Variants in SLC7A13 observed in about 807,000 individuals in gnomAD.
The protein encoded by SLC7A13 is X-amino acid transporter 2.
SLC7A13 carries 31 observed loss-of-function variants against 32.0 expected under a neutral mutation model. That is an observed-to-expected ratio of 0.97 (90% confidence interval 0.73 to 1.31). The LOEUF (loss-of-function observed/expected upper bound fraction) is 1.31, where lower values mean the gene tolerates loss of function less well. SLC7A13 is among the 50% of genes most tolerant of loss of function. SLC7A13 has a pLI of 0.00. For synonymous variants in SLC7A13, 232 were observed against 206.9 expected (o/e 1.12, Z -1.04); for missense variants, 633 against 546.9 (o/e 1.16, Z -1.57).
At chr8:86,216,123 G>A (rs1820176887) in intron 3 of SLC7A13, among the ~76,000 whole-genome samples, 1 of 152,124 alleles carries the variant, frequency 6.6e-6, no homozygotes. Flanking sequence ...ACTGTTATTT[G>A]TATATAACAA....
At chr8:86,218,941 A>G (rs940274006) in intron 2 of SLC7A13, among the ~76,000 whole-genome samples, 1 of 152,152 alleles carries the variant, frequency 6.6e-6, no homozygotes, top group Non-Finnish European at 1.5e-5. Context: ...TACTTTTGGG[A>G]CATCAACATA....
In SLC7A13 at chr8:86,217,681, A is replaced by T. The variant is rs1296654086; in HGVS notation, c.968T>A (p.Leu323Gln). The T allele has an allele frequency of 1.2e-6, 2 of 1,613,480 alleles. No individual in the cohort carries two copies. Among genetic ancestry groups the T allele is most frequent in the Non-Finnish European group, 1.7e-6 (2 of 1,179,660 alleles). ...PIYLASQEGQLPLLFNTLNSH... is the reference protein window; with the variant it reads ...PIYLASQEGQQPLLFNTLNSH... ...ATTAAGTGTATTAAATAGCAAAGGC[A>T]GCTGGCCCTCTTGGCTTGCAAGATA... The change falls in exon 3 of 4, where the codon CTG becomes CAG. Residue 323 changes from leucine to glutamine, a missense_variant. Physicochemically the swap from Leu to Gln is moderately radical, Grantham distance 113 (BLOSUM62 -2). Coordinates refer to ENST00000297524, the MANE Select transcript of SLC7A13 (RefSeq NM_138817.3).
chr8:86,218,256 A>T lies in SLC7A13; in HGVS notation c.818-425T>A, dbSNP rs577520392. Among the ~76,000 whole-genome samples, 15 of 152,332 alleles carry T rather than the reference A, an allele frequency of 9.8e-5. No individual in the cohort carries two copies. The South Asian group carries it at 3.1e-3, about 32-fold the overall frequency. ...ATAGAGTCCTGATAGTTACATTCAG[A>T]GTCCAAAAAGCACAGTGCAACACTA... On this transcript the variant is annotated intron_variant, in intron 2 of 3. Coordinates refer to ENST00000297524, the MANE Select transcript of SLC7A13 (RefSeq NM_138817.3).
chr8:86,222,589 T>C (rs1820315115), intron 2 of SLC7A13, among the ~76,000 whole-genome samples: 1 of 152,158 alleles, frequency 6.6e-6, no homozygotes, highest in Non-Finnish European at 1.5e-5. Flanking sequence ...ACACTTCGAA[T>C]TGATCATTTT....
At chr8:86,225,211 C>T (rs989035215) in intron 1 of SLC7A13, among the ~76,000 whole-genome samples, 27 of 152,166 alleles carry the variant, frequency 1.8e-4, no homozygotes, top group African/African-American at 6.5e-4. Context: ...TTTCTTCCAT[C>T]TGTGTCTGCC....
At chr8:86,223,227 A>G (rs1820335663) in intron 1 of SLC7A13, 124 bp from the exon 2 acceptor site, 1 of 958,254 alleles carries the variant, frequency 1.0e-6, no homozygotes, top group Non-Finnish European at 1.5e-6. Context: ...TATTATGTGG[A>G]TAGGTTGTGT....
At chr8:86,223,248 T>C in intron 1 of SLC7A13, 145 bp from the exon 2 acceptor site, 1 of 766,198 alleles carries the variant, frequency 1.3e-6, no homozygotes, top group Non-Finnish European at 1.9e-6. Context: ...GGTGGTCAAA[T>C]CAGAGTTTTA....
At chr8:86,223,756 A>T (rs1232436591) in intron 1 of SLC7A13, among the ~76,000 whole-genome samples, 2 of 150,144 alleles carry the variant, frequency 1.3e-5, no homozygotes, top group East Asian at 3.9e-4. Context: ...GGCTCTTCTT[A>T]TTCATTCAGC....
intron 3 of SLC7A13, among the ~76,000 whole-genome samples, chr8:86,217,086 G>A (rs940655455): frequency 6.6e-6 from 1 of 152,190 alleles, no homozygotes; most frequent in African/African-American, 2.4e-5. Context: ...AACAGTAGAT[G>A]TTATCACTTG....
chr8:86,229,279 A>G lies in SLC7A13; in HGVS notation c.685+314T>C, dbSNP rs184761374. Among the ~76,000 whole-genome samples, 161 of 150,384 alleles carry G rather than the reference A, an allele frequency of 1.1e-3. 1 individual carries two copies. The highest frequency in any genetic ancestry group is 3.7e-3 in the African/African-American group (153 of 41,072). On this transcript the variant is annotated intron_variant, in intron 1 of 3. Transcript: ENST00000297524. ...TCCTGGATTTACAGTTTCATGGGTG[A>G]GGAATATTTTCACAACCCCAGCATT...
chr8:86,225,472 A>C (rs1334505573), intron 1 of SLC7A13, among the ~76,000 whole-genome samples: 1 of 152,250 alleles, frequency 6.6e-6, no homozygotes, highest in African/African-American at 2.4e-5. Flanking sequence ...ACAAAAGGGC[A>C]ATTTTTTGGA....
Position 86,223,031 on chromosome 8 carries a change from T to A in SLC7A13, c.758A>T (p.Tyr253Phe). The change falls in exon 2 of 4, where the codon TAT becomes TTT. Residue 253 changes from tyrosine to phenylalanine, a missense_variant. By Grantham distance (22) the Tyr-to-Phe change is conservative (BLOSUM62 3). Coordinates refer to ENST00000297524, the MANE Select transcript of SLC7A13 (RefSeq NM_138817.3). ...FTALPLVTVVYLLVNISYLTV... is the reference protein window; with the variant it reads ...FTALPLVTVVFLLVNISYLTV... Reference sequence around the variant, plus strand: ...CAGATAGGAAATGTTAACCAGTAAATAAACTACAGTCACCAGAGGTAACGC... The same window carrying A: ...CAGATAGGAAATGTTAACCAGTAAAAAAACTACAGTCACCAGAGGTAACGC... 1 of 1,608,778 alleles carries A rather than the reference T, an allele frequency of 6.2e-7. No homozygotes were observed. The highest frequency in any genetic ancestry group is 8.5e-7 in the Non-Finnish European group (1 of 1,177,558).
intron 2 of SLC7A13, among the ~76,000 whole-genome samples, chr8:86,219,546 G>A (rs747759667): frequency 1.3e-4 from 20 of 152,102 alleles, no homozygotes; most frequent in South Asian, 2.1e-4. Context: ...CCATTCATGC[G>A]GAGCAATGTA....
chr8:86,223,698 T>C (rs1295565430), intron 1 of SLC7A13, among the ~76,000 whole-genome samples: 1 of 151,988 alleles, frequency 6.6e-6, no homozygotes, highest in Non-Finnish European at 1.5e-5. Flanking sequence ...GATATTATAC[T>C]AATTTACATT....
chr8:86,221,604 A>G (rs1475046592), intron 2 of SLC7A13, among the ~76,000 whole-genome samples: 1 of 151,810 alleles, frequency 6.6e-6, no homozygotes, highest in Non-Finnish European at 1.5e-5. Context: ...TCCCAGTGCT[A>G]TCCCTCCCCA....
chr8:86,219,554 G>A (rs1820252451), intron 2 of SLC7A13, among the ~76,000 whole-genome samples: 1 of 152,128 alleles, frequency 6.6e-6, no homozygotes, highest in South Asian at 2.1e-4. Flanking sequence ...GCGGAGCAAT[G>A]TAACTACCAT....
intron 1 of SLC7A13, among the ~76,000 whole-genome samples, chr8:86,227,999 A>C (rs1301099510): frequency 1.3e-5 from 2 of 152,134 alleles, no homozygotes; most frequent in African/African-American, 4.8e-5. Context: ...GTTCATTGTT[A>C]GGGTGATGGC....
chr8:86,228,170 A>G (rs1334532350), intron 1 of SLC7A13, among the ~76,000 whole-genome samples: 2 of 152,200 alleles, frequency 1.3e-5, no homozygotes, highest in Non-Finnish European at 2.9e-5. Context: ...GAGTGAACCA[A>G]GAAGATGCTG....
chr8:86,226,735 A>G (rs966371307), intron 1 of SLC7A13, among the ~76,000 whole-genome samples: 1 of 152,154 alleles, frequency 6.6e-6, no homozygotes, highest in Non-Finnish European at 1.5e-5. Flanking sequence ...ATCTAATACC[A>G]AGACTCTCAG....
Sources: allele counts gnomAD v4.1 joint callset (sites outside exome capture counted in the v4.1 genomes callset), GRCh38; gene constraint gnomAD v4.1.1; transcripts MANE v1.5; gene names NCBI Gene and HGNC (gene_info 2026-07-23, HGNC 2026-07-21).